Variants in SOCS6 observed in about 807,000 individuals in gnomAD.
The protein encoded by SOCS6 is STAT induced STAT inhibitor-4.
A neutral mutation model predicts 27.7 loss-of-function variants in SOCS6; 5 were observed. The observed-to-expected ratio is 0.18, with a 90% CI of 0.09 to 0.38. SOCS6 has a LOEUF of 0.38. SOCS6 is among the 10% of genes least tolerant of loss of function. SOCS6 has a pLI of 1.00. For synonymous variants in SOCS6, 271 were observed against 260.0 expected (o/e 1.04, Z -0.41); for missense variants, 595 against 688.1 (o/e 0.86, Z 1.51).
In SOCS6 at chr18:70,325,564, G is replaced by C; in HGVS notation, c.896G>C (p.Ser299Thr). The change falls in exon 2 of 2, where the codon AGC becomes ACC. Residue 299 changes from serine to threonine, a missense_variant. Coordinates refer to ENST00000397942, the MANE Select transcript of SOCS6 (RefSeq NM_004232.4). The surrounding 1 kb of genome is among the most constrained non-coding windows in gnomAD (Gnocchi z 6.3). Reference protein sequence around the residue: ...LIGTTGVMLQSPRAGHDDVPP... With the variant: ...LIGTTGVMLQTPRAGHDDVPP... The stretch of plus-strand genomic sequence containing the variant: ...GGCACCACGGGAGTCATGTTGCAGA[G>C]CCCGAGAGCGGGTCACGATGATGTC... 1 of 1,614,158 alleles carries C rather than the reference G, an allele frequency of 6.2e-7. No homozygotes were observed. The highest frequency in any genetic ancestry group is 8.5e-7 in the Non-Finnish European group (1 of 1,180,038).
chr18:70,317,493 C>CGT (rs1477849610), intron 1 of SOCS6, among the ~76,000 whole-genome samples: 1 of 130,422 alleles, frequency 7.7e-6, no homozygotes, highest in Admixed American at 7.3e-5. Flanking sequence ...TACATATATA[C>CGT]ACATATATAC....
chr18:70,302,197 T>C (rs534424278), intron 1 of SOCS6, among the ~76,000 whole-genome samples: 2 of 152,102 alleles, frequency 1.3e-5, no homozygotes, highest in Non-Finnish European at 2.9e-5. Context: ...GGTAGCAGAA[T>C]GGAGTAGATG....
intron 1 of SOCS6, among the ~76,000 whole-genome samples, chr18:70,302,786 A>T (rs958266064): frequency 2.0e-5 from 3 of 152,104 alleles, no homozygotes; most frequent in African/African-American, 7.2e-5. Context: ...AAAAAATTTA[A>T]GTCAGATTTG....
Position 70,326,395 on chromosome 18 carries a change from T to A in SOCS6, c.*119T>A. On this transcript the variant is annotated 3_prime_UTR_variant, in exon 2 of 2. Coordinates refer to ENST00000397942, the MANE Select transcript of SOCS6 (RefSeq NM_004232.4). ...GCCATAACTATTTCAGTTTTATGTG[T>A]AAAAGAGTCATCAGTTTGTTTAGGG... is the stretch of plus-strand genomic sequence containing the variant. 1.1e-6 allele frequency: 1 copy of A among 869,844 alleles called. No homozygotes were observed. Among genetic ancestry groups the A allele is most frequent in the Non-Finnish European group, 1.8e-6 (1 of 561,008 alleles). 53.9% of individuals were successfully genotyped at this position (869,844 alleles called of 1,614,324 possible). A position where few individuals can be genotyped will look rare whatever the true frequency, so the allele number is the denominator to read the frequency against.
chr18:70,292,802 G>A (rs2062305930), intron 1 of SOCS6, among the ~76,000 whole-genome samples: 1 of 152,162 alleles, frequency 6.6e-6, no homozygotes, highest in African/African-American at 2.4e-5. Context: ...GCTGCTTCCT[G>A]CTCCGCCACC....
In SOCS6 at chr18:70,328,658, A is replaced by G. The variant is rs1911301080; in HGVS notation, c.*2382A>G. 1 of 166,958 alleles carries G rather than the reference A, an allele frequency of 6.0e-6. No homozygotes were observed. The highest frequency in any genetic ancestry group is 1.5e-5 in the Non-Finnish European group (1 of 68,114). 10.3% of individuals were successfully genotyped at this position (166,958 alleles called of 1,614,324 possible). A position where few individuals can be genotyped will look rare whatever the true frequency, so the allele number is the denominator to read the frequency against. On this transcript the variant is annotated 3_prime_UTR_variant, in exon 2 of 2. Coordinates refer to ENST00000397942, the MANE Select transcript of SOCS6 (RefSeq NM_004232.4). Reference sequence around the variant, plus strand: ...TCTAGTTTGAAATTGTTAGATTCTGATAGTATAATGATAAAATCAAACTAT... The same window carrying G: ...TCTAGTTTGAAATTGTTAGATTCTGGTAGTATAATGATAAAATCAAACTAT...
In SOCS6 at chr18:70,306,477, C is replaced by CA. The variant is rs55702216; in HGVS notation, c.-127+17409dup. Among the ~76,000 whole-genome samples the CA allele has an allele frequency of 3.5e-3, 328 of 92,574 alleles. 2 individuals carry two copies. Among genetic ancestry groups the CA allele is most frequent in the Admixed American group, 4.8e-3 (38 of 7,948 alleles). The allele number at this position is 92,574 out of a possible 152,430, so 60.7% of individuals were successfully genotyped here. A position where few individuals can be genotyped will look rare whatever the true frequency, so the allele number is the denominator to read the frequency against. On this transcript the variant is annotated intron_variant, in intron 1 of 1. Coordinates refer to ENST00000397942, the MANE Select transcript of SOCS6 (RefSeq NM_004232.4). ...CAGCCTGGTGACAGAGACTCCATCT[C>CA]AAAAAAAAAAAAAAAAAAAAAAGAA...
At chr18:70,307,162 C>A (rs1295126893) in intron 1 of SOCS6, among the ~76,000 whole-genome samples, 1 of 152,062 alleles carries the variant, frequency 6.6e-6, no homozygotes, top group Admixed American at 6.6e-5. Flanking sequence ...ATTTGGGAGG[C>A]CATGATGGGA....
At chr18:70,300,421 G>T (rs542333402) in intron 1 of SOCS6, among the ~76,000 whole-genome samples, 3 of 152,072 alleles carry the variant, frequency 2.0e-5, no homozygotes. Flanking sequence ...GAGCCACCGC[G>T]CCCAGCCTCA....
rs1911321503 is a variant in SOCS6, at chr18:70,329,140, G to A, written c.*2864G>A. ...TATGCATTTTTATAAATAAGAAGAA[G>A]GCTGTAGAAAGTACTTGAAAAATAT... On this transcript the variant is annotated 3_prime_UTR_variant, in exon 2 of 2. Transcript: ENST00000397942. The A allele has an allele frequency of 6.0e-6, 1 of 167,016 alleles. No homozygotes were observed. Among genetic ancestry groups the A allele is most frequent in the Non-Finnish European group, 1.5e-5 (1 of 68,092 alleles). The allele number at this position is 167,016 out of a possible 1,614,324, so 10.3% of individuals were successfully genotyped here. A position where few individuals can be genotyped will look rare whatever the true frequency, so the allele number is the denominator to read the frequency against.
At chr18:70,298,951 C>G (rs1210212875) in intron 1 of SOCS6, among the ~76,000 whole-genome samples, 1 of 151,988 alleles carries the variant, frequency 6.6e-6, no homozygotes, top group African/African-American at 2.4e-5. Context: ...GTGGCAAAAC[C>G]CCGTGTCTAC....
At position 70,326,519 on chromosome 18, in the gene SOCS6, C is replaced by T; in HGVS notation, c.*243C>T. 2 of 485,762 alleles carry T rather than the reference C, an allele frequency of 4.1e-6. No homozygotes were observed. The highest frequency in any genetic ancestry group is 3.7e-5 in the East Asian group (1 of 27,220). The allele number at this position is 485,762 out of a possible 1,614,324, so 30.1% of individuals were successfully genotyped here. On this transcript the variant is annotated 3_prime_UTR_variant, in exon 2 of 2. Transcript: ENST00000397942. ...GTGTGAATTATGTTTCATCAATGTGCAGAATAATCACAATGTGAATTATCA... is the reference window on the plus strand; with the variant it reads ...GTGTGAATTATGTTTCATCAATGTGTAGAATAATCACAATGTGAATTATCA...
At position 70,301,645 on chromosome 18, in the gene SOCS6, AAG is replaced by A. The variant is rs575477756; in HGVS notation, c.-127+12563_-127+12564del. On this transcript the variant is annotated intron_variant, in intron 1 of 1. Transcript: ENST00000397942. ...GCTGAATATAACTGGTCTGTAAATGAAGAGAGAGAATTTGGGAGTGTAGGGCA... is the reference window on the plus strand; with the variant it reads ...GCTGAATATAACTGGTCTGTAAATGAAGAGAGAATTTGGGAGTGTAGGGCA... Among the ~76,000 whole-genome samples, 26 of 151,920 alleles carry A rather than the reference AAG, an allele frequency of 1.7e-4. 1 individual carries two copies. In the East Asian group the frequency reaches 4.4e-3, roughly 26 times the overall value.
intron 1 of SOCS6, among the ~76,000 whole-genome samples, chr18:70,317,512 A>G (rs996744651): frequency 1.8e-5 from 1 of 56,028 alleles, no homozygotes; most frequent in Non-Finnish European, 3.0e-5. Context: ...ACATACATAT[A>G]TACATACATA....
chr18:70,297,114 A>G (rs1266653747), intron 1 of SOCS6, among the ~76,000 whole-genome samples: 1 of 149,638 alleles, frequency 6.7e-6, no homozygotes, highest in African/African-American at 2.5e-5. Context: ...TGTTCTCCTC[A>G]CCCCCTCTTT....
chr18:70,300,892 C>T (rs576158653), intron 1 of SOCS6, among the ~76,000 whole-genome samples: 11 of 152,124 alleles, frequency 7.2e-5, no homozygotes, highest in African/African-American at 2.4e-4. Context: ...TTAAATCTAC[C>T]TTTGTAGCCA....
intron 1 of SOCS6, among the ~76,000 whole-genome samples, chr18:70,292,064 T>G (rs1371174269): frequency 6.6e-6 from 1 of 152,214 alleles, no homozygotes; most frequent in Non-Finnish European, 1.5e-5. Flanking sequence ...TGATTTCAGG[T>G]CTTTACCCAC....
At position 70,296,906 on chromosome 18, in the gene SOCS6, C is replaced by CTTTTTTTT. The variant is rs375704179; in HGVS notation, c.-127+7821_-127+7828dup. Reference sequence around the variant, plus strand: ...TCCCTTTCATTTTCTCATTTTCTTTCTTTTTTTTTTTTCTGTCTTAAGCTC... The same window carrying CTTTTTTTT: ...TCCCTTTCATTTTCTCATTTTCTTTCTTTTTTTTTTTTTTTTTTTTCTGTCTTAAGCTC... On this transcript the variant is annotated intron_variant, in intron 1 of 1. Transcript: ENST00000397942. Among the ~76,000 whole-genome samples, 27 of 129,172 alleles carry CTTTTTTTT rather than the reference C, an allele frequency of 2.1e-4. 1 individual carries two copies. The highest frequency in any genetic ancestry group is 3.2e-4 in the Admixed American group (4 of 12,446). The allele number at this position is 129,172 out of a possible 152,430, so 84.7% of individuals were successfully genotyped here. A position where few individuals can be genotyped will look rare whatever the true frequency, so the allele number is the denominator to read the frequency against.
chr18:70,310,939 C>T (rs1183541530), intron 1 of SOCS6, among the ~76,000 whole-genome samples: 2 of 152,072 alleles, frequency 1.3e-5, no homozygotes, highest in Non-Finnish European at 2.9e-5. Context: ...TTCTATAAAA[C>T]GGAGATAAAA....
Sources: gnomAD v4.1 joint callset for allele counts (sites outside exome capture counted in the v4.1 genomes callset) on GRCh38, gnomAD v4.1.1 for gene constraint, Gnocchi (gnomAD v3.1) non-coding constraint, MANE v1.5 for transcripts, NCBI Gene and HGNC (gene_info 2026-07-23, HGNC 2026-07-21) for gene names.